The following PLA2G5 variants were observed in gnomAD, a reference collection of about 807,000 sequenced individuals.
PLA2G5 encodes phospholipase A2 group V.
A neutral mutation model predicts 15.9 loss-of-function variants in PLA2G5; 12 were observed. That is an observed-to-expected ratio of 0.76 (90% CI 0.48 to 1.23). PLA2G5 has a LOEUF of 1.23. PLA2G5 is among the 50% of genes most tolerant of loss of function. The pLI is 0.00. For synonymous variants in PLA2G5, 71 were observed against 71.4 expected (o/e 0.99, Z 0.03); for missense variants, 169 against 177.1 (o/e 0.95, Z 0.26).
At chr1:20,078,284 C>G (rs528651640) in intron 1 of PLA2G5, among the ~76,000 whole-genome samples, 2 of 152,016 alleles carry the variant, frequency 1.3e-5, no homozygotes, top group Admixed American at 6.5e-5. Flanking sequence ...TGGGGGATGA[C>G]GAAGGGCAGC....
intron 2 of PLA2G5, among the ~76,000 whole-genome samples, chr1:20,060,247 CTTTTTTTTTTTTTT>C (rs71585739): frequency 1.2e-5 from 1 of 83,690 alleles, no homozygotes; most frequent in African/African-American, 4.8e-5. Flanking sequence ...CTTTTTTCTT[CTTTTTTTTTTTTTT>C]TTTTTTTTTT....
At chr1:20,047,012 G>A (rs1464711067) in intron 1 of PLA2G5, among the ~76,000 whole-genome samples, 1 of 152,172 alleles carries the variant, frequency 6.6e-6, no homozygotes, top group Non-Finnish European at 1.5e-5. Context: ...GAAGAGAAAG[G>A]TCATTTTGCT....
At chr1:20,055,598 C>T (rs2014393613) in intron 1 of PLA2G5, among the ~76,000 whole-genome samples, 1 of 152,144 alleles carries the variant, frequency 6.6e-6, no homozygotes, top group African/African-American at 2.4e-5. Context: ...CAGAAGCTCC[C>T]ATTTGCCTCT....
intron 3 of PLA2G5, among the ~76,000 whole-genome samples, chr1:20,087,056 G>T (rs1407274353): frequency 6.6e-6 from 1 of 152,216 alleles, no homozygotes; most frequent in African/African-American, 2.4e-5. Context: ...TGTGCAAAAG[G>T]ACTAAAGTTG....
At chr1:20,033,636 G>A (rs1233382134) in intron 1 of PLA2G5, among the ~76,000 whole-genome samples, 1 of 152,142 alleles carries the variant, frequency 6.6e-6, no homozygotes, top group Non-Finnish European at 1.5e-5. Context: ...TGTTTTGAGA[G>A]GTATGCAATA....
At chr1:20,050,005 T>C (rs1313761525) in intron 1 of PLA2G5, among the ~76,000 whole-genome samples, 1 of 152,200 alleles carries the variant, frequency 6.6e-6, no homozygotes. Flanking sequence ...CAACATAATA[T>C]CCTGTGAAGT....
intron 1 of PLA2G5, among the ~76,000 whole-genome samples, chr1:20,031,468 A>C (rs977118522): frequency 5.9e-5 from 9 of 152,192 alleles, no homozygotes; most frequent in Non-Finnish European, 1.0e-4. Context: ...CTCCTGGATT[A>C]GTGTAGGAAA....
chr1:20,078,002 C>A (rs1226476941), intron 1 of PLA2G5, among the ~76,000 whole-genome samples: 1 of 152,160 alleles, frequency 6.6e-6, no homozygotes, highest in Admixed American at 6.5e-5. Context: ...CAGAGAAGGG[C>A]AACTCCAGAG....
At chr1:20,051,505 C>A (rs2014176084) in intron 1 of PLA2G5, among the ~76,000 whole-genome samples, 1 of 152,208 alleles carries the variant, frequency 6.6e-6, no homozygotes, top group South Asian at 2.1e-4. Flanking sequence ...CAGCTTTTAA[C>A]AATTTAGTAT....
intron 1 of PLA2G5, among the ~76,000 whole-genome samples, chr1:20,079,240 C>T (rs79506328): frequency 6.6e-6 from 1 of 151,982 alleles, no homozygotes; most frequent in East Asian, 1.9e-4. Context: ...CCTGTGAGAA[C>T]ATTCTAGAAG....
chr1:20,071,215 A>G (rs556405095), intron 1 of PLA2G5, among the ~76,000 whole-genome samples: 11 of 152,326 alleles, frequency 7.2e-5, no homozygotes, highest in African/African-American at 2.4e-4. Flanking sequence ...GGATAAAATG[A>G]GAGAAGGCCC....
intron 1 of PLA2G5, among the ~76,000 whole-genome samples, chr1:20,034,002 T>A (rs1459889379): frequency 3.3e-5 from 5 of 152,050 alleles, no homozygotes; most frequent in Non-Finnish European, 7.4e-5. Flanking sequence ...TTTGGTTGAT[T>A]TGGGACGGCC....
chr1:20,069,549 C>T (rs2015229192), upstream of PLA2G5, among the ~76,000 whole-genome samples: 1 of 151,996 alleles, frequency 6.6e-6, no homozygotes, highest in Admixed American at 6.6e-5. Context: ...GTGGCATGTG[C>T]CTGTGGTCCC....
At chr1:20,054,170 G>A (rs1391963683) in intron 1 of PLA2G5, among the ~76,000 whole-genome samples, 4 of 152,252 alleles carry the variant, frequency 2.6e-5, no homozygotes, top group South Asian at 2.1e-4. Context: ...AGGCCACCAG[G>A]AGAATTTCTC....
At chr1:20,067,486 G>A (rs145815316), upstream of PLA2G5, among the ~76,000 whole-genome samples, 1,130 of 152,038 alleles carry the variant, frequency 7.4e-3, 19 homozygotes, top group African/African-American at 0.026. Flanking sequence ...TCAGGAGTTC[G>A]AGACCAGCTT....
At chr1:20,035,740 G>A (rs1443678836) in intron 1 of PLA2G5, among the ~76,000 whole-genome samples, 2 of 152,168 alleles carry the variant, frequency 1.3e-5, no homozygotes, top group Admixed American at 1.3e-4. Flanking sequence ...ATTGAAATGT[G>A]AGGTATTATT....
At chr1:20,035,289 G>A (rs566057346) in intron 1 of PLA2G5, among the ~76,000 whole-genome samples, 1 of 152,270 alleles carries the variant, frequency 6.6e-6, no homozygotes, top group South Asian at 2.1e-4. Flanking sequence ...CTGGGTGGGA[G>A]GGGAGTTGCG....
At chr1:20,084,912 A>C in intron 2 of PLA2G5, 42 bp downstream of exon 2, 2 of 1,411,692 alleles carry the variant, frequency 1.4e-6, no homozygotes, top group Non-Finnish European at 2.0e-6. Context: ...CTTTTACCCC[A>C]TGGGAGTAAC....
intron 1 of PLA2G5, among the ~76,000 whole-genome samples, chr1:20,047,718 T>TTGTGTGTG (rs57199460): frequency 6.9e-4 from 102 of 147,546 alleles, no homozygotes; most frequent in African/African-American, 2.5e-3. Flanking sequence ...TATAGGATCT[T>TTGTGTGTG]TGTGTGTGTG....
Sources: gnomAD v4.1 joint callset for allele counts (sites outside exome capture counted in the v4.1 genomes callset) on GRCh38, gnomAD v4.1.1 for gene constraint, MANE v1.5 for transcripts, NCBI Gene and HGNC (gene_info 2026-07-23, HGNC 2026-07-21) for gene names.